The following ZBTB7C variants were observed in gnomAD, a reference collection of about 807,000 sequenced individuals.
The protein encoded by ZBTB7C is zinc finger and BTB domain containing 7C, also known as zinc finger and BTB domain-containing protein 7C.
Under a neutral mutation model 25.7 loss-of-function variants are expected in ZBTB7C, and 8 were observed. The ratio of observed to expected loss-of-function variants is 0.31; its 90% CI spans 0.18 to 0.56. The LOEUF (loss-of-function observed/expected upper bound fraction) is 0.56, where lower values mean the gene tolerates loss of function less well. ZBTB7C is among the 20% of genes least tolerant of loss of function. The pLI is 0.91. For missense variants in ZBTB7C, 824 were observed against 855.2 expected (o/e 0.96, Z 0.46); for synonymous variants, 394 against 369.0 (o/e 1.07, Z -0.78).
At chr18:48,146,661 T>A (rs1272104137) in intron 3 of ZBTB7C, among the ~76,000 whole-genome samples, 2 of 152,146 alleles carry the variant, frequency 1.3e-5, no homozygotes, top group East Asian at 1.9e-4. Context: ...GTCTGGGAAA[T>A]CTCAAAAAAA....
intron 4 of ZBTB7C, among the ~76,000 whole-genome samples, chr18:48,035,818 A>G (rs982470960): frequency 2.0e-5 from 3 of 152,172 alleles, no homozygotes; most frequent in African/African-American, 7.2e-5. Context: ...ACTTTCTGGG[A>G]AGAGAAGGGA....
At chr18:48,358,262 G>A (rs919265440) in intron 1 of ZBTB7C, among the ~76,000 whole-genome samples, 1 of 152,176 alleles carries the variant, frequency 6.6e-6, no homozygotes, top group Non-Finnish European at 1.5e-5. Context: ...TGAGGCAGGA[G>A]AATTGCTTGA....
chr18:48,344,251 T>G (rs1358047314), intron 1 of ZBTB7C, among the ~76,000 whole-genome samples: 1 of 152,204 alleles, frequency 6.6e-6, no homozygotes. Flanking sequence ...CCCAAAGTGA[T>G]GGGATTATAG....
At chr18:48,330,676 A>G (rs1311493116) in intron 2 of ZBTB7C, among the ~76,000 whole-genome samples, 27 of 148,710 alleles carry the variant, frequency 1.8e-4, no homozygotes. Context: ...AACTGAAAAG[A>G]GAGGGCAGGA....
chr18:48,034,769 G>C (rs1485558308), intron 4 of ZBTB7C, among the ~76,000 whole-genome samples: 2 of 152,152 alleles, frequency 1.3e-5, no homozygotes, highest in African/African-American at 4.8e-5. Context: ...CTCTGCATCA[G>C]GGACAGCCAA....
intron 1 of ZBTB7C, among the ~76,000 whole-genome samples, chr18:48,362,361 T>G (rs912358740): frequency 6.6e-6 from 1 of 152,232 alleles, no homozygotes; most frequent in Non-Finnish European, 1.5e-5. Context: ...AATGTGATGG[T>G]GTGAGGAGGT....
chr18:48,115,076 A>T (rs994038282), intron 3 of ZBTB7C, among the ~76,000 whole-genome samples: 6 of 152,070 alleles, frequency 3.9e-5, no homozygotes, highest in Admixed American at 2.0e-4. Flanking sequence ...TAATTCCCCC[A>T]TTTCCCTTTC....
chr18:48,125,357 G>A (rs535231043), intron 3 of ZBTB7C, among the ~76,000 whole-genome samples: 100 of 152,344 alleles, frequency 6.6e-4, no homozygotes, highest in South Asian at 5.2e-3. Flanking sequence ...GATAGTGTCC[G>A]TAGGAAGAAG....
intron 3 of ZBTB7C, among the ~76,000 whole-genome samples, chr18:48,166,622 G>A (rs780893356): frequency 3.3e-5 from 5 of 152,274 alleles, no homozygotes; most frequent in Non-Finnish European, 7.4e-5. Context: ...TCAGCGATAC[G>A]GACAGGACCA....
chr18:48,179,913 CCTTCCTTCCTTCCTTCCCTG>C (rs1210959344), intron 3 of ZBTB7C, among the ~76,000 whole-genome samples: 2,241 of 137,980 alleles, frequency 0.016, 129 homozygotes, highest in African/African-American at 0.064. Context: ...TTCCTTCCTC[CCTTCCTTCCTTCCTTCCCTG>C]CTTCCTTCCT....
intron 3 of ZBTB7C, among the ~76,000 whole-genome samples, chr18:48,094,224 G>T (rs996726198): frequency 6.6e-6 from 1 of 152,202 alleles, no homozygotes; most frequent in Non-Finnish European, 1.5e-5. Context: ...CCTGGATAAT[G>T]ATATCATCTG....
intron 2 of ZBTB7C, among the ~76,000 whole-genome samples, chr18:48,331,779 A>G (rs1428372291): frequency 1.3e-5 from 2 of 152,350 alleles, no homozygotes; most frequent in East Asian, 3.9e-4. Context: ...TATTATTGGC[A>G]TAGAAAGGCT....
At chr18:48,047,705 CAG>C (rs1327233452) in intron 3 of ZBTB7C, among the ~76,000 whole-genome samples, 10 of 152,296 alleles carry the variant, frequency 6.6e-5, no homozygotes, top group Admixed American at 5.9e-4. Flanking sequence ...TCTGTCCTCT[CAG>C]AGAGAGACTG....
intron 3 of ZBTB7C, among the ~76,000 whole-genome samples, chr18:48,129,524 C>T (rs1270065753): frequency 6.6e-6 from 1 of 152,138 alleles, no homozygotes; most frequent in Non-Finnish European, 1.5e-5. Context: ...CAGGTCCAGG[C>T]CACAGAGACA....
chr18:48,304,125 T>C (rs1383009657), intron 2 of ZBTB7C, among the ~76,000 whole-genome samples: 1 of 152,092 alleles, frequency 6.6e-6, no homozygotes, highest in East Asian at 1.9e-4. Context: ...TTAACCATCA[T>C]ACTCCATGGC....
intron 3 of ZBTB7C, among the ~76,000 whole-genome samples, chr18:48,052,128 C>T (rs1184426390): frequency 1.2e-4 from 18 of 152,138 alleles, no homozygotes; most frequent in Admixed American, 1.2e-3. Flanking sequence ...CACTAGGCCA[C>T]GCGTTACTGA....
chr18:48,319,101 C>G (rs951331504), intron 2 of ZBTB7C, among the ~76,000 whole-genome samples: 1 of 103,808 alleles, frequency 9.6e-6, no homozygotes, highest in African/African-American at 3.3e-5. Flanking sequence ...ATGAACGATG[C>G]CAGAATGCCT....
intron 1 of ZBTB7C, among the ~76,000 whole-genome samples, chr18:48,372,398 G>A (rs1470581800): frequency 6.6e-6 from 1 of 152,162 alleles, no homozygotes; most frequent in Admixed American, 6.5e-5. Context: ...AGGGCCATGT[G>A]ACCAGTTCTG....
chr18:48,115,330 G>C (rs2039394029), intron 3 of ZBTB7C, among the ~76,000 whole-genome samples: 2 of 151,956 alleles, frequency 1.3e-5, no homozygotes, highest in Non-Finnish European at 2.9e-5. Context: ...CTCACTGCAG[G>C]CTCCGCCTCC....
Sources: gnomAD v4.1 joint callset for allele counts (sites outside exome capture counted in the v4.1 genomes callset) on GRCh38, gnomAD v4.1.1 for gene constraint, MANE v1.5 for transcripts, NCBI Gene and HGNC (gene_info 2026-07-23, HGNC 2026-07-21) for gene names.